Variants in KCNH8 observed in about 807,000 individuals in gnomAD.
The protein encoded by KCNH8 is voltage-gated delayed rectifier potassium channel KCNH8.
In KCNH8, 70 loss-of-function variants were observed where a neutral mutation model predicts 103.6. That is an observed-to-expected ratio of 0.68 (90% confidence interval 0.56 to 0.82). The LOEUF is 0.82. KCNH8 is among the 40% of genes least tolerant of loss of function. The pLI is 0.00. For synonymous variants in KCNH8, 498 were observed against 489.4 expected (o/e 1.02, Z -0.23); for missense variants, 1,217 against 1,329.9 (o/e 0.92, Z 1.32).
chr3:19,215,070 C>T (rs1246355947), intron 1 of KCNH8, among the ~76,000 whole-genome samples: 1 of 152,210 alleles, frequency 6.6e-6, no homozygotes, highest in East Asian at 1.9e-4. Flanking sequence ...TGTATCTCTT[C>T]CCTAGAATGT....
intron 7 of KCNH8, among the ~76,000 whole-genome samples, chr3:19,430,769 G>A (rs538939010): frequency 3.3e-5 from 5 of 152,066 alleles, no homozygotes; most frequent in South Asian, 2.1e-4. Flanking sequence ...GTTTGCTTGC[G>A]ATTTGACTCT....
intron 3 of KCNH8, among the ~76,000 whole-genome samples, chr3:19,298,679 T>G (rs752554448): frequency 6.6e-6 from 1 of 151,746 alleles, no homozygotes; most frequent in African/African-American, 2.4e-5. Flanking sequence ...TCCCAGCACT[T>G]TGGGAGTCCG....
intron 5 of KCNH8, among the ~76,000 whole-genome samples, chr3:19,375,582 G>A (rs1320291298): frequency 1.6e-3 from 236 of 151,122 alleles, no homozygotes; most frequent in Non-Finnish European, 2.8e-3. Flanking sequence ...TAATTTGATC[G>A]TCTGAAGCCT....
At chr3:19,492,317 T>TTCTA (rs962265413) in intron 11 of KCNH8, among the ~76,000 whole-genome samples, 3 of 152,244 alleles carry the variant, frequency 2.0e-5, no homozygotes, top group Admixed American at 6.5e-5. Flanking sequence ...GGTCTTATAC[T>TTCTA]TCTATCTTTC....
chr3:19,353,226 A>G (rs1455445220), intron 5 of KCNH8, among the ~76,000 whole-genome samples: 1 of 152,202 alleles, frequency 6.6e-6, no homozygotes, highest in African/African-American at 2.4e-5. Flanking sequence ...AGGCTATGAA[A>G]TTAAGGCAAT....
Position 19,533,844 on chromosome 3 carries a change from G to C in KCNH8, c.3069G>C (p.Leu1023=). ...SPHSDSTLTP[L]QSISATLSSS... is the part of the protein sequence containing the mutation. ...ATTCAGATTCTACGTTGACGCCTCT[G>C]CAGTCCATTTCAGCAACTCTCTCAT... Residue 1023 remains leucine (L), a synonymous_variant, in exon 16 of 16, where the codon CTG becomes CTC. Transcript: ENST00000328405. 1 of 1,614,120 alleles carries C rather than the reference G, an allele frequency of 6.2e-7. No homozygotes were observed. Among genetic ancestry groups the C allele is most frequent in the Non-Finnish European group, 8.5e-7 (1 of 1,180,012 alleles).
chr3:19,401,554 G>A (rs960217780), intron 7 of KCNH8, among the ~76,000 whole-genome samples: 1 of 151,878 alleles, frequency 6.6e-6, no homozygotes, highest in African/African-American at 2.4e-5. Flanking sequence ...TTTTGTCAAT[G>A]CTCTATTCTA....
chr3:19,351,803 C>T (rs577988515), intron 5 of KCNH8, among the ~76,000 whole-genome samples: 3 of 152,110 alleles, frequency 2.0e-5, no homozygotes, highest in South Asian at 2.1e-4. Flanking sequence ...TAAAGACCAT[C>T]GAGGCTGGGA....
chr3:19,532,986 C>T (rs954121877), intron 15 of KCNH8, among the ~76,000 whole-genome samples: 5 of 151,966 alleles, frequency 3.3e-5, no homozygotes, highest in South Asian at 2.1e-4. Context: ...GGGCGGATCA[C>T]GAGGTCAGGA....
intron 2 of KCNH8, among the ~76,000 whole-genome samples, chr3:19,274,733 T>C (rs1399868353): frequency 1.3e-5 from 2 of 151,860 alleles, no homozygotes; most frequent in Non-Finnish European, 2.9e-5. Flanking sequence ...AAAGTACTTT[T>C]ATTTAAGGAG....
chr3:19,517,906 G>T, intron 14 of KCNH8, 92 bp from the exon 15 acceptor site: 2 of 994,276 alleles, frequency 2.0e-6, no homozygotes, highest in Non-Finnish European at 3.2e-6. Context: ...AAAAGTGATA[G>T]CGTGGACTTT....
chr3:19,258,937 CTCTCTCTCTCTATATATATATA>C (rs1181923943), intron 2 of KCNH8, among the ~76,000 whole-genome samples: 37 of 80,060 alleles, frequency 4.6e-4, no homozygotes, highest in African/African-American at 1.4e-3. Context: ...CTCTCTCTCT[CTCTCTCTCTCTATATATATATA>C]TATATATATA....
intron 3 of KCNH8, among the ~76,000 whole-genome samples, chr3:19,298,827 C>A (rs1487202030): frequency 6.7e-6 from 1 of 148,730 alleles, no homozygotes; most frequent in Non-Finnish European, 1.5e-5. Flanking sequence ...GAGGCTGAGG[C>A]AGGGGAATGG....
intron 2 of KCNH8, among the ~76,000 whole-genome samples, chr3:19,262,821 C>T (rs2064454417): frequency 6.6e-6 from 1 of 151,912 alleles, no homozygotes; most frequent in Non-Finnish European, 1.5e-5. Flanking sequence ...TGAGATCACA[C>T]AAAATAAAAA....
At chr3:19,507,241 T>C (rs534687186) in intron 11 of KCNH8, among the ~76,000 whole-genome samples, 20 of 152,112 alleles carry the variant, frequency 1.3e-4, no homozygotes, top group Admixed American at 5.9e-4. Context: ...TTCTTCCCTA[T>C]AGCAAGGGCA....
In KCNH8 at chr3:19,450,223, A is replaced by C. The variant is rs1310425855; in HGVS notation, c.1493A>C (p.His498Pro). Reference sequence around the variant, plus strand: ...CTGAAAGATTTCATCCGTGTCCATCACTTGCCCCAACAACTCAAGCAGAGG... The same window carrying C: ...CTGAAAGATTTCATCCGTGTCCATCCCTTGCCCCAACAACTCAAGCAGAGG... Reference protein sequence around the residue: ...KDLKDFIRVHHLPQQLKQRML... With the variant: ...KDLKDFIRVHPLPQQLKQRML... Residue 498 changes from histidine to proline, a missense_variant, in exon 9 of 16, where the codon CAC (histidine) becomes CCC (proline). Transcript: ENST00000328405. 6.2e-7 allele frequency: 1 copy of C among 1,613,704 alleles called. No individual in the cohort carries two copies. The highest frequency in any genetic ancestry group is 2.2e-5 in the East Asian group (1 of 44,844).
intron 3 of KCNH8, among the ~76,000 whole-genome samples, chr3:19,328,483 A>G (rs1330161550): frequency 6.6e-6 from 1 of 152,158 alleles, no homozygotes; most frequent in East Asian, 1.9e-4. Context: ...TGTAAATAGA[A>G]CTAAACAACT....
intron 11 of KCNH8, among the ~76,000 whole-genome samples, chr3:19,471,111 G>C (rs1329390979): frequency 6.6e-6 from 1 of 152,124 alleles, no homozygotes; most frequent in Non-Finnish European, 1.5e-5. Flanking sequence ...GGCTGGGAAA[G>C]GGAGAGAAAG....
intron 11 of KCNH8, among the ~76,000 whole-genome samples, chr3:19,469,822 T>G (rs2067818743): frequency 6.6e-6 from 1 of 152,208 alleles, no homozygotes; most frequent in Non-Finnish European, 1.5e-5. Context: ...TGACTCTCAG[T>G]GCCCCTTCTC....
Sources: allele counts gnomAD v4.1 joint callset (sites outside exome capture counted in the v4.1 genomes callset), GRCh38; gene constraint gnomAD v4.1.1; transcripts MANE v1.5; gene names NCBI Gene and HGNC (gene_info 2026-07-23, HGNC 2026-07-21).